The following GTF3C3 variants were observed in gnomAD, a reference collection of about 807,000 sequenced individuals.
The protein encoded by GTF3C3 is general transcription factor IIIC subunit 3.
A neutral mutation model predicts 105.2 loss-of-function variants in GTF3C3; 75 were observed. The observed-to-expected ratio is 0.71, with a 90% CI of 0.59 to 0.86. GTF3C3 has a LOEUF of 0.86. Ranked by LOEUF, GTF3C3 falls within the 40% of genes least tolerant of loss-of-function variation. The pLI, the probability that GTF3C3 is intolerant of heterozygous loss-of-function variation, is 0.00. For synonymous variants in GTF3C3, 335 were observed against 370.4 expected (o/e 0.90, Z 1.10); for missense variants, 856 against 1,076.5 (o/e 0.80, Z 2.87).
intron 1 of GTF3C3, 69 bp downstream of exon 1, chr2:196,799,441 T>C: frequency 1.7e-6 from 2 of 1,177,686 alleles, no homozygotes; most frequent in Non-Finnish European, 2.5e-6. Context: ...AGCGGTCGTC[T>C]GGGTCCCCCA....
At chr2:196,798,141 T>C (rs1178315421) in intron 1 of GTF3C3, among the ~76,000 whole-genome samples, 1 of 152,204 alleles carries the variant, frequency 6.6e-6, no homozygotes, top group Non-Finnish European at 1.5e-5. Flanking sequence ...CATTTCAAAG[T>C]ACTTATATCT....
chr2:196,777,358 TTC>T (rs1235467049), intron 10 of GTF3C3, among the ~76,000 whole-genome samples: 1 of 152,188 alleles, frequency 6.6e-6, no homozygotes, highest in Non-Finnish European at 1.5e-5. Flanking sequence ...ACTCAATTAG[TTC>T]CTGAGTATAA....
intron 13 of GTF3C3, chr2:196,773,558 G>T (rs1181056661): frequency 6.3e-6 from 2 of 315,744 alleles, no homozygotes; most frequent in African/African-American, 2.2e-5. Context: ...TTTTCCATGG[G>T]CCAGGGCTAA....
chr2:196,769,774 TG>T (rs1216509943), intron 16 of GTF3C3, 140 bp downstream of exon 16: 1 of 627,194 alleles, frequency 1.6e-6, no homozygotes, highest in Non-Finnish European at 2.8e-6. Flanking sequence ...TGCTGAACAC[TG>T]GGGTAAGTGT....
rs1354441378 is a variant in GTF3C3, at chr2:196,776,697, C to G, written c.1391-68G>C. ...TTGTAAACTGGCCACAATTACTCTT[C>G]CATTTTAAAAGAAATATAGCAATAT... On this transcript the variant is annotated intron_variant, in intron 10 of 17. Coordinates refer to ENST00000263956, the MANE Select transcript of GTF3C3 (RefSeq NM_012086.5). The surrounding 1 kb of genome is among the most constrained non-coding windows in gnomAD (Gnocchi z 4.5). 1 of 1,078,212 alleles carries G rather than the reference C, an allele frequency of 9.3e-7. No homozygotes were observed. The highest frequency in any genetic ancestry group is 1.6e-5 in the African/African-American group (1 of 63,248). The allele number at this position is 1,078,212 out of a possible 1,614,324, so 66.8% of individuals were successfully genotyped here. A position where few individuals can be genotyped will look rare whatever the true frequency, so the allele number is the denominator to read the frequency against.
chr2:196,785,507 G>A lies in GTF3C3; in HGVS notation c.975C>T (p.Ser325=). The A allele has an allele frequency of 1.2e-6, 2 of 1,607,718 alleles. No individual in the cohort carries two copies. The highest frequency in any genetic ancestry group is 1.7e-6 in the Non-Finnish European group (2 of 1,174,756). ...CAGCTGCTATGTTAACATCTTCCATGGAGACTAGGCCCTGGTGTTTTGAGA... is the reference window on the plus strand; with the variant it reads ...CAGCTGCTATGTTAACATCTTCCATAGAGACTAGGCCCTGGTGTTTTGAGA... ...EAFSKHQGLV[S]MEDVNIAAEL... is the part of the protein sequence containing the mutation. The change falls in exon 7 of 18, where the codon TCC becomes TCT. Residue 325 remains serine (S), a synonymous_variant. Transcript: ENST00000263956.
At chr2:196,774,237 T>C (rs572172129) in intron 13 of GTF3C3, among the ~76,000 whole-genome samples, 1 of 152,206 alleles carries the variant, frequency 6.6e-6, no homozygotes, top group Non-Finnish European at 1.5e-5. Context: ...GACAAATCTG[T>C]ATGTATGAAA....
At chr2:196,797,210 C>T (rs1387050521) in intron 2 of GTF3C3, among the ~76,000 whole-genome samples, 1 of 152,212 alleles carries the variant, frequency 6.6e-6, no homozygotes, top group African/African-American at 2.4e-5. Context: ...GTATCAATCA[C>T]TGAACATTAA....
intron 15 of GTF3C3, 120 bp downstream of exon 15, chr2:196,771,628 G>A: frequency 1.6e-6 from 1 of 631,200 alleles, no homozygotes; most frequent in Non-Finnish European, 2.8e-6. Context: ...ACTGAGGCAG[G>A]AGGAGGTAGA....
chr2:196,772,509 T>C (rs367609030), intron 14 of GTF3C3, among the ~76,000 whole-genome samples: 2 of 152,172 alleles, frequency 1.3e-5, no homozygotes, highest in East Asian at 1.9e-4. Flanking sequence ...GACTGTGTCA[T>C]TGCACTCCAG....
chr2:196,782,363 A>G (rs985714330), intron 8 of GTF3C3, among the ~76,000 whole-genome samples: 3 of 152,352 alleles, frequency 2.0e-5, no homozygotes, highest in South Asian at 2.1e-4. Context: ...AGAGAGTCCA[A>G]ACGGACTAAG....
intron 4 of GTF3C3, among the ~76,000 whole-genome samples, chr2:196,790,942 T>C (rs1017223580): frequency 3.9e-5 from 6 of 151,948 alleles, no homozygotes; most frequent in Admixed American, 2.0e-4. Flanking sequence ...ACCATTTAAC[T>C]GAGAGATAAG....
At chr2:196,778,703 A>G in intron 10 of GTF3C3, 193 bp downstream of exon 10, 1 of 593,302 alleles carries the variant, frequency 1.7e-6, no homozygotes, top group East Asian at 2.9e-5. Flanking sequence ...ATCATTAAGT[A>G]AATCATTCCT....
At chr2:196,782,617 G>T (rs1699385125) in intron 8 of GTF3C3, among the ~76,000 whole-genome samples, 1 of 150,716 alleles carries the variant, frequency 6.6e-6, no homozygotes, top group African/African-American at 2.4e-5. Context: ...TAGCAGGCAG[G>T]TGCAAACAAA....
At chr2:196,783,877 C>G (rs1423247434) in intron 8 of GTF3C3, among the ~76,000 whole-genome samples, 1 of 152,136 alleles carries the variant, frequency 6.6e-6, no homozygotes. Flanking sequence ...TGCGTAGTCT[C>G]CACACACCTA....
At chr2:196,783,717 T>A (rs1699406914) in intron 8 of GTF3C3, among the ~76,000 whole-genome samples, 1 of 152,146 alleles carries the variant, frequency 6.6e-6, no homozygotes, top group Non-Finnish European at 1.5e-5. Flanking sequence ...TATAAACATC[T>A]TCTGATCCTT....
In GTF3C3 at chr2:196,781,357, A is replaced by AATATATATATATATATATATAT. The variant is rs1553578901; in HGVS notation, c.1115-717_1115-696dup. ...ATGTTAAGGGGAAAAAAAAAAAAAA[A>AATATATATATATATATATATAT]ATATATATATATATATATATATATA... On this transcript the variant is annotated intron_variant, in intron 8 of 17. Coordinates refer to ENST00000263956, the MANE Select transcript of GTF3C3 (RefSeq NM_012086.5). 5.9e-4 allele frequency among the ~76,000 whole-genome samples: 11 copies of AATATATATATATATATATATAT among 18,786 alleles called. 1 individual carries two copies. Among genetic ancestry groups the AATATATATATATATATATATAT allele is most frequent in the Admixed American group, 1.0e-3 (1 of 988 alleles). The allele number at this position is 18,786 out of a possible 152,430, so 12.3% of individuals were successfully genotyped here.
chr2:196,766,791 G>A, intron 16 of GTF3C3, 74 bp from the exon 17 acceptor site: 1 of 1,132,144 alleles, frequency 8.8e-7, no homozygotes, highest in Non-Finnish European at 1.3e-6. Context: ...GTATTACCAG[G>A]TGCTGAAAAT....
At position 196,776,352 on chromosome 2, in the gene GTF3C3, GAC is replaced by G. The variant is rs553740428; in HGVS notation, c.1593+73_1593+74del. 609 of 1,222,064 alleles carry G rather than the reference GAC, an allele frequency of 5.0e-4. 6 individuals are homozygous for G. The East Asian group carries it at 0.014, about 27-fold the overall frequency. The allele number at this position is 1,222,064 out of a possible 1,614,324, so 75.7% of individuals were successfully genotyped here. On this transcript the variant is annotated intron_variant, in intron 11 of 17. Transcript: ENST00000263956. This position sits in a 1 kb window ranked among gnomAD's most constrained non-coding sequence, Gnocchi z 4.5. The stretch of plus-strand genomic sequence containing the variant: ...TAAAATTTTGGATATAAGCTATAGA[GAC>G]ATCCTTAATGGAGGAGAAAGTTCTA...
Sources: allele counts gnomAD v4.1 joint callset (sites outside exome capture counted in the v4.1 genomes callset), GRCh38; gene constraint gnomAD v4.1.1; non-coding constraint Gnocchi (gnomAD v3.1); transcripts MANE v1.5; gene names NCBI Gene and HGNC (gene_info 2026-07-23, HGNC 2026-07-21).